LSAMP: variants seen among roughly 807,000 people sequenced by gnomAD.
The protein encoded by LSAMP is limbic system associated membrane protein.
In LSAMP, 7 loss-of-function variants were observed where a neutral mutation model predicts 38.6. That is an observed-to-expected ratio of 0.18 (90% CI 0.10 to 0.34). The LOEUF (loss-of-function observed/expected upper bound fraction) is 0.34. Ranked by LOEUF, LSAMP falls within the 10% of genes least tolerant of loss-of-function variation. The pLI is 1.00. For synonymous variants in LSAMP, 154 were observed against 166.8 expected (o/e 0.92, Z 0.59); for missense variants, 313 against 420.0 (o/e 0.75, Z 2.23).
intron 1 of LSAMP, among the ~76,000 whole-genome samples, chr3:116,197,165 T>C (rs3071116): frequency 9.5e-6 from 1 of 105,640 alleles, no homozygotes; most frequent in East Asian, 2.6e-4. Context: ...ACACACACAC[T>C]CTCTCTCTCT....
rs1242575050 is a variant in LSAMP at position 115,808,763 on chromosome 3, A to G, written c.*1554T>C. On this transcript the variant is annotated 3_prime_UTR_variant, in exon 7 of 7. Transcript: ENST00000490035. Reference sequence around the variant, plus strand: ...TAAAACATTAACCTAGAACACTGGGAAAAACATCTGCAGAGGAGCACAAGG... The same window carrying G: ...TAAAACATTAACCTAGAACACTGGGGAAAACATCTGCAGAGGAGCACAAGG... The G allele has an allele frequency of 1.3e-5, 2 of 152,284 alleles. No homozygotes were observed. Among genetic ancestry groups the G allele is most frequent in the Admixed American group, 6.5e-5 (1 of 15,276 alleles). The allele number at this position is 152,284 out of a possible 1,614,324, so 9.4% of individuals were successfully genotyped here. A position where few individuals can be genotyped will look rare whatever the true frequency, so the allele number is the denominator to read the frequency against.
intron 1 of LSAMP, among the ~76,000 whole-genome samples, chr3:116,232,535 G>C (rs2046412359): frequency 6.6e-6 from 1 of 152,114 alleles, no homozygotes; most frequent in South Asian, 2.1e-4. Context: ...GTTCAGCCCT[G>C]TAGAACCTAC....
At chr3:116,244,716 C>T (rs1031888808) in intron 1 of LSAMP, among the ~76,000 whole-genome samples, 1 of 152,176 alleles carries the variant, frequency 6.6e-6, no homozygotes, top group Non-Finnish European at 1.5e-5. Flanking sequence ...AAAACAAACT[C>T]CAAAAACATC....
Position 116,412,109 on chromosome 3 carries a change from T to C in LSAMP, c.155+32768A>G, listed in dbSNP as rs1019010712. On this transcript the variant is annotated intron_variant, in intron 1 of 6. Coordinates refer to ENST00000490035, the MANE Select transcript of LSAMP (RefSeq NM_002338.5). The stretch of plus-strand genomic sequence containing the variant: ...AGAAAGCGGACTAAGGCAGTTATAT[T>C]GCTGATACCATTATTACCACTAATT... Among the ~76,000 whole-genome samples the C allele has an allele frequency of 2.0e-5, 3 of 152,086 alleles. No homozygotes were observed. In the South Asian group the frequency reaches 6.2e-4, roughly 31 times the overall value.
intron 1 of LSAMP, among the ~76,000 whole-genome samples, chr3:116,244,616 C>T (rs1214466614): frequency 6.6e-6 from 1 of 152,184 alleles, no homozygotes; most frequent in East Asian, 1.9e-4. Context: ...GACTCTCACA[C>T]AGCATCTTGT....
At chr3:115,881,053 T>TAAATAAATAAATAAAG (rs1936309510) in intron 3 of LSAMP, among the ~76,000 whole-genome samples, 1 of 151,248 alleles carries the variant, frequency 6.6e-6, no homozygotes, top group Non-Finnish European at 1.5e-5. Flanking sequence ...AATAAATAAA[T>TAAATAAATAAATAAAG]AAATAAATAA....
intron 1 of LSAMP, among the ~76,000 whole-genome samples, chr3:116,334,394 A>AG (rs2047892719): frequency 6.6e-6 from 1 of 152,130 alleles, no homozygotes; most frequent in South Asian, 2.1e-4. Flanking sequence ...CATTCTACGA[A>AG]GCCAGCATTA....
chr3:116,046,085 C>T (rs1422822350), intron 2 of LSAMP, among the ~76,000 whole-genome samples: 1 of 152,178 alleles, frequency 6.6e-6, no homozygotes, highest in Non-Finnish European at 1.5e-5. Context: ...CTAATCAAGT[C>T]ATTCTTCATC....
chr3:116,123,498 G>A (rs1047689899), intron 1 of LSAMP, among the ~76,000 whole-genome samples: 6 of 152,230 alleles, frequency 3.9e-5, no homozygotes, highest in Non-Finnish European at 8.8e-5. Flanking sequence ...GATGTAGAAG[G>A]AAGTTTGGGT....
At chr3:116,059,253 T>A (rs1391709420) in intron 2 of LSAMP, among the ~76,000 whole-genome samples, 3 of 152,226 alleles carry the variant, frequency 2.0e-5, no homozygotes, top group African/African-American at 4.8e-5. Flanking sequence ...TATTAGAGGA[T>A]GTTTTGCATC....
At chr3:116,336,390 G>T (rs2047920074) in intron 1 of LSAMP, among the ~76,000 whole-genome samples, 1 of 151,914 alleles carries the variant, frequency 6.6e-6, no homozygotes, top group Admixed American at 6.6e-5. Flanking sequence ...AGAATATGGA[G>T]AAAGTACCTA....
At chr3:116,157,918 G>A (rs1452892212) in intron 1 of LSAMP, among the ~76,000 whole-genome samples, 1 of 151,792 alleles carries the variant, frequency 6.6e-6, no homozygotes, top group Non-Finnish European at 1.5e-5. Flanking sequence ...AAAACTTCAG[G>A]TCAATATTCT....
chr3:116,185,953 C>A, intron 1 of LSAMP, among the ~76,000 whole-genome samples: 1 of 150,984 alleles, frequency 6.6e-6, no homozygotes. Flanking sequence ...TGATTTTCTC[C>A]TGGAAGGAAA....
chr3:116,037,312 G>C (rs1300840134), intron 2 of LSAMP, among the ~76,000 whole-genome samples: 1 of 152,076 alleles, frequency 6.6e-6, no homozygotes, highest in Non-Finnish European at 1.5e-5. Flanking sequence ...AGGATTTCAG[G>C]ATAATAGTGA....
chr3:115,879,812 C>G (rs1427436849), intron 3 of LSAMP, among the ~76,000 whole-genome samples: 1 of 152,076 alleles, frequency 6.6e-6, no homozygotes, highest in African/African-American at 2.4e-5. Context: ...GATATAAGCC[C>G]TGGGTACTAC....
intron 1 of LSAMP, among the ~76,000 whole-genome samples, chr3:116,381,143 A>G (rs1222074222): frequency 1.3e-5 from 2 of 152,050 alleles, no homozygotes. Context: ...ATGAGAGAAA[A>G]ATTTAATCTA....
chr3:115,818,790 T>TTTTATATAGATATATATATATATATATA (rs1553734999), intron 6 of LSAMP, among the ~76,000 whole-genome samples: 1 of 69,786 alleles, frequency 1.4e-5, no homozygotes, highest in East Asian at 9.8e-4. Flanking sequence ...AGTTGTACTT[T>TTTTATATAGATATATATATATATATATA]TATATATATA....
chr3:116,216,536 G>A (rs1193895423), intron 1 of LSAMP, among the ~76,000 whole-genome samples: 3 of 151,190 alleles, frequency 2.0e-5, no homozygotes, highest in South Asian at 4.2e-4. Flanking sequence ...TATGGGCATG[G>A]GAGGATCCAG....
rs186549000 is a variant in LSAMP, at chr3:115,851,009, T to C, written c.649+1474A>G. On this transcript the variant is annotated intron_variant, in intron 4 of 6. Coordinates refer to ENST00000490035, the MANE Select transcript of LSAMP (RefSeq NM_002338.5). Reference sequence around the variant, plus strand: ...TTATTTTGAGACAGAGTTTCACTCTTGTTGCCCATGCTGAAGTGCAGTGGC... The same window carrying C: ...TTATTTTGAGACAGAGTTTCACTCTCGTTGCCCATGCTGAAGTGCAGTGGC... 1.1e-4 allele frequency among the ~76,000 whole-genome samples: 17 copies of C among 152,288 alleles called. 1 individual carries two copies. Among genetic ancestry groups the C allele is most frequent in the South Asian group, 4.1e-4 (2 of 4,826 alleles).
Sources: allele counts gnomAD v4.1 joint callset (sites outside exome capture counted in the v4.1 genomes callset), GRCh38; gene constraint gnomAD v4.1.1; transcripts MANE v1.5; gene names NCBI Gene and HGNC (gene_info 2026-07-23, HGNC 2026-07-21).